CNTN5: variants seen among roughly 807,000 people sequenced by gnomAD.
CNTN5 encodes the protein contactin 5, also known as contactin-5.
CNTN5 carries 77 observed loss-of-function variants against 129.1 expected under a neutral mutation model. The observed-to-expected ratio is 0.60, with a 90% CI of 0.50 to 0.72. CNTN5 has a LOEUF of 0.72. Among genes scored for constraint, CNTN5 ranks in the 30% least tolerant of loss-of-function variants. The probability of loss-of-function intolerance (pLI) is 0.00; values close to 1 mark genes in which losing one functional copy is unlikely to be tolerated. For missense variants in CNTN5, 1,478 were observed against 1,328.8 expected (o/e 1.11, Z -1.75); for synonymous variants, 509 against 465.6 (o/e 1.09, Z -1.20).
chr11:100,048,953 T>C (rs534681891), intron 9 of CNTN5, among the ~76,000 whole-genome samples: 3 of 152,262 alleles, frequency 2.0e-5, no homozygotes, highest in East Asian at 1.9e-4. Context: ...CTTGGAGTTA[T>C]GTATCCAGTG....
intron 10 of CNTN5, among the ~76,000 whole-genome samples, chr11:100,063,086 TTC>T (rs1943547176): frequency 6.6e-6 from 1 of 152,124 alleles, no homozygotes; most frequent in Non-Finnish European, 1.5e-5. Context: ...AAAGTACGAA[TTC>T]TCTGTGTTCG....
chr11:100,259,063 A>C (rs1180690505), intron 17 of CNTN5, among the ~76,000 whole-genome samples: 1 of 152,146 alleles, frequency 6.6e-6, no homozygotes. Context: ...CTCACTTGCA[A>C]AGTCACACAT....
intron 3 of CNTN5, among the ~76,000 whole-genome samples, chr11:99,760,444 C>A (rs1399065215): frequency 1.3e-5 from 2 of 152,018 alleles, no homozygotes; most frequent in Admixed American, 6.6e-5. Flanking sequence ...GCTGATTGCA[C>A]AACTCTGTAC....
intron 1 of CNTN5, among the ~76,000 whole-genome samples, chr11:99,266,442 T>C (rs1862896104): frequency 1.3e-5 from 2 of 151,812 alleles, no homozygotes; most frequent in South Asian, 4.2e-4. Context: ...CTACAAAAGA[T>C]TTTTTAAAAG....
chr11:99,577,823 TTTATTA>T (rs10677986), intron 3 of CNTN5, among the ~76,000 whole-genome samples: 6 of 147,980 alleles, frequency 4.1e-5, no homozygotes, highest in Non-Finnish European at 1.5e-5. Context: ...AAGATTTTCT[TTTATTA>T]TTATTATTAT....
intron 3 of CNTN5, among the ~76,000 whole-genome samples, chr11:99,810,106 GA>G (rs1946385986): frequency 6.6e-6 from 1 of 151,980 alleles, no homozygotes; most frequent in South Asian, 2.1e-4. Flanking sequence ...TAACAGCCAT[GA>G]AAAAATACAA....
At chr11:99,257,940 G>T (rs1389643938) in intron 1 of CNTN5, among the ~76,000 whole-genome samples, 1 of 151,984 alleles carries the variant, frequency 6.6e-6, no homozygotes, top group Non-Finnish European at 1.5e-5. Context: ...ACGCTTAAGA[G>T]ACAAGAGGTT....
At chr11:100,071,013 G>A (rs903717081) in intron 11 of CNTN5, among the ~76,000 whole-genome samples, 1 of 151,554 alleles carries the variant, frequency 6.6e-6, no homozygotes, top group Admixed American at 6.6e-5. Context: ...GATTTGCTTG[G>A]CATTAAGTAG....
At position 99,673,971 on chromosome 11, in the gene CNTN5, C is replaced by T. The variant is rs372239740; in HGVS notation, c.55+117702C>T. ...AATTTATATTCCTTTGGGTATATATCCAATAATGGGCTTGCTGGGTCAAAT... is the reference window on the plus strand; with the variant it reads ...AATTTATATTCCTTTGGGTATATATTCAATAATGGGCTTGCTGGGTCAAAT... On this transcript the variant is annotated intron_variant, in intron 3 of 24. Transcript: ENST00000524871. Among the ~76,000 whole-genome samples the T allele has an allele frequency of 2.6e-5, 4 of 152,182 alleles. No individual in the cohort carries two copies. The South Asian group carries it at 8.3e-4, about 32-fold the overall frequency.
rs547001051 is a variant in CNTN5, at chr11:100,339,127, C to T, written c.2731-1336C>T. ...TACAGCATTCTCTTAGTTCTGCCAT[C>T]CATGGACAGCTGTGTGTTAGCAGCT... On this transcript the variant is annotated intron_variant, in intron 21 of 24. Coordinates refer to ENST00000524871, the MANE Select transcript of CNTN5 (RefSeq NM_014361.4). 7.9e-5 allele frequency among the ~76,000 whole-genome samples: 12 copies of T among 152,222 alleles called. No homozygotes were observed. The South Asian group carries it at 1.5e-3, about 18-fold the overall frequency.
intron 9 of CNTN5, among the ~76,000 whole-genome samples, chr11:100,018,642 C>G (rs1037668656): frequency 1.3e-5 from 2 of 151,842 alleles, no homozygotes. Context: ...GTTTAGAAGT[C>G]TTTATATGCA....
chr11:100,002,192 C>G, intron 9 of CNTN5, 56 bp downstream of exon 9: 1 of 1,160,192 alleles, frequency 8.6e-7, no homozygotes, highest in Non-Finnish European at 1.2e-6. Context: ...TGTGACATAT[C>G]TTATTTTTGG....
chr11:99,326,598 G>T (rs1591526282), intron 2 of CNTN5, among the ~76,000 whole-genome samples: 2 of 152,236 alleles, frequency 1.3e-5, no homozygotes, highest in Admixed American at 1.3e-4. Flanking sequence ...AATTCTAGCA[G>T]CTCGTTGCAG....
At chr11:99,374,933 G>A (rs899918037) in intron 2 of CNTN5, among the ~76,000 whole-genome samples, 1 of 152,162 alleles carries the variant, frequency 6.6e-6, no homozygotes, top group African/African-American at 2.4e-5. Context: ...GCAGGAAAAT[G>A]GTTCTGGTGC....
intron 3 of CNTN5, 81 bp from the exon 4 acceptor site, chr11:99,819,462 TC>T (rs1319304391): frequency 8.1e-7 from 1 of 1,228,550 alleles, no homozygotes; most frequent in African/African-American, 1.5e-5. Context: ...TTTAGTAATG[TC>T]TTCAAAGAAA....
intron 6 of CNTN5, among the ~76,000 whole-genome samples, chr11:99,896,346 C>T (rs114570560): frequency 1.6e-4 from 25 of 152,286 alleles, no homozygotes; most frequent in African/African-American, 5.8e-4. Context: ...CCAGAAGTAG[C>T]TGATAGGCCC....
chr11:99,543,782 G>T lies in CNTN5; in HGVS notation c.-70-12363G>T, dbSNP rs528961518. Among the ~76,000 whole-genome samples, 10 of 152,094 alleles carry T rather than the reference G, an allele frequency of 6.6e-5. No individual in the cohort carries two copies. In the South Asian group the frequency reaches 2.1e-3, roughly 32 times the overall value. On this transcript the variant is annotated intron_variant, in intron 2 of 24. Transcript: ENST00000524871. ...AAACTACAAAAATTAGCTGTGCGTG[G>T]TGGCACACGCCTGTAATTCCTGCTA...
intron 1 of CNTN5, among the ~76,000 whole-genome samples, chr11:99,305,517 A>G (rs1317814632): frequency 6.6e-6 from 1 of 152,188 alleles, no homozygotes; most frequent in East Asian, 1.9e-4. Context: ...AAAATGTCCT[A>G]CCTTTAGGCT....
intron 3 of CNTN5, among the ~76,000 whole-genome samples, chr11:99,794,188 T>C (rs1404011222): frequency 6.6e-6 from 1 of 152,050 alleles, no homozygotes; most frequent in East Asian, 1.9e-4. Context: ...GTCTTTTTTT[T>C]TTTTTTTAAT....
Sources: gnomAD v4.1 joint callset for allele counts (sites outside exome capture counted in the v4.1 genomes callset) on GRCh38, gnomAD v4.1.1 for gene constraint, MANE v1.5 for transcripts, NCBI Gene and HGNC (gene_info 2026-07-23, HGNC 2026-07-21) for gene names.